The following SUMO3 variants were observed in gnomAD, a reference collection of about 807,000 sequenced individuals.
SUMO3 encodes small ubiquitin like modifier 3, also known as small ubiquitin-related modifier 3.
In SUMO3, 2 loss-of-function variants were observed where a neutral mutation model predicts 11.1. The ratio of observed to expected loss-of-function variants is 0.18; its 90% CI spans 0.07 to 0.57. The LOEUF (loss-of-function observed/expected upper bound fraction) is 0.57. SUMO3 is among the 20% of genes least tolerant of loss of function. The pLI, the probability that SUMO3 is intolerant of heterozygous loss-of-function variation, is 0.92. For missense variants in SUMO3, 70 were observed against 132.8 expected (o/e 0.53, Z 2.32); for synonymous variants, 56 against 53.5 (o/e 1.05, Z -0.20).
At position 44,814,138 on chromosome 21, in the gene SUMO3, G is replaced by C. The variant is rs760991904; in HGVS notation, c.22-34C>G. 3 of 1,595,948 alleles carry C rather than the reference G, an allele frequency of 1.9e-6. No individual in the cohort carries two copies. In the Admixed American group the frequency reaches 5.0e-5, roughly 27 times the overall value. On this transcript the variant is annotated intron_variant, in intron 1 of 3. Transcript: ENST00000332859. Reference sequence around the variant, plus strand: ...GACACCAGAGACTGGCCTCAAAACTGTGTCTCAAAATAACCGCGACTTGAA... The same window carrying C: ...GACACCAGAGACTGGCCTCAAAACTCTGTCTCAAAATAACCGCGACTTGAA...
At chr21:44,816,605 A>T (rs2083244851) in intron 1 of SUMO3, among the ~76,000 whole-genome samples, 1 of 152,212 alleles carries the variant, frequency 6.6e-6, no homozygotes, top group Non-Finnish European at 1.5e-5. Flanking sequence ...GATGTAACAT[A>T]GAGGCCGACA....
At position 44,810,798 on chromosome 21, in the gene SUMO3, C is replaced by T. The variant is rs958439113; in HGVS notation, c.151-1680G>A. Among the ~76,000 whole-genome samples the T allele has an allele frequency of 1.3e-5, 2 of 152,118 alleles. No homozygotes were observed. The highest frequency in any genetic ancestry group is 4.8e-5 in the African/African-American group (2 of 41,412). On this transcript the variant is annotated intron_variant, in intron 2 of 3. Coordinates refer to ENST00000332859, the MANE Select transcript of SUMO3 (RefSeq NM_006936.3). This position sits in a 1 kb window ranked among gnomAD's most constrained non-coding sequence, Gnocchi z 4.1. ...CCATGCTTGCACAGAAGTCAGCCTG[C>T]GTGAGAGCAGTCAGGGAAAGGCTCA...
intron 1 of SUMO3, among the ~76,000 whole-genome samples, chr21:44,815,790 G>A (rs1269488160): frequency 1.2e-5 from 1 of 82,674 alleles, no homozygotes; most frequent in Non-Finnish European, 2.4e-5. Context: ...CAGTGCCTCT[G>A]CTCCAAACAG....
rs1425119397 is a variant in SUMO3 at position 44,806,076 on chromosome 21, T to G, written c.*875A>C. Reference sequence around the variant, plus strand: ...TAACTGCAAATTCAGCAATACTTAGTCTTACTTTTTTATGTATAGACCATA... The same window carrying G: ...TAACTGCAAATTCAGCAATACTTAGGCTTACTTTTTTATGTATAGACCATA... On this transcript the variant is annotated 3_prime_UTR_variant, in exon 4 of 4. Transcript: ENST00000332859. 6.6e-6 allele frequency: 1 copy of G among 152,144 alleles called. No individual in the cohort carries two copies. Among genetic ancestry groups the G allele is most frequent in the Non-Finnish European group, 1.5e-5 (1 of 68,026 alleles). The allele number at this position is 152,144 out of a possible 1,614,324, so 9.4% of individuals were successfully genotyped here.
Position 44,811,159 on chromosome 21 carries a change from G to GAATGCACACAT in SUMO3, c.151-2042_151-2041insATGTGTGCATT, listed in dbSNP as rs2083210415. Reference sequence around the variant, plus strand: ...GCACACACCCACACATACACACACAGGCACACACCCACACATACACACACA... The same window carrying GAATGCACACAT: ...GCACACACCCACACATACACACACAGAATGCACACATGCACACACCCACACATACACACACA... On this transcript the variant is annotated intron_variant, in intron 2 of 3. Coordinates refer to ENST00000332859, the MANE Select transcript of SUMO3 (RefSeq NM_006936.3). The surrounding 1 kb of genome is among the most constrained non-coding windows in gnomAD (Gnocchi z 5.0). Among the ~76,000 whole-genome samples the GAATGCACACAT allele has an allele frequency of 7.1e-6, 1 of 140,584 alleles. No individual in the cohort carries two copies. Among genetic ancestry groups the GAATGCACACAT allele is most frequent in the Non-Finnish European group, 1.6e-5 (1 of 63,582 alleles). 92.2% of individuals were successfully genotyped at this position (140,584 alleles called of 152,430 possible).
intron 3 of SUMO3, chr21:44,808,240 C>G (rs757331290): frequency 3.9e-6 from 1 of 258,854 alleles, no homozygotes; most frequent in Non-Finnish European, 7.3e-6. Flanking sequence ...CGGCCGGGCG[C>G]GTTGGCTCAT....
At position 44,806,864 on chromosome 21, in the gene SUMO3, C is replaced by T. The variant is rs780800537; in HGVS notation, c.*87G>A. 19 of 1,561,160 alleles carry T rather than the reference C, an allele frequency of 1.2e-5. No individual in the cohort carries two copies. The Admixed American group carries it at 1.9e-4, about 15-fold the overall frequency. On this transcript the variant is annotated 3_prime_UTR_variant, in exon 4 of 4. Transcript: ENST00000332859. ...ATCGTGGTGAATGTCCTCGAGTTTC[C>T]GCAGACACCTTTGTGGTCGGCATGG...
rs560883571 is a variant in SUMO3, at chr21:44,810,244, A to G, written c.151-1126T>C. ...TGAAGTAAATGAAAAAGGCACAAAC[A>G]GGAAGGACAAAGAAAACGGGAGTGG... is the stretch of plus-strand genomic sequence containing the variant. On this transcript the variant is annotated intron_variant, in intron 2 of 3. Coordinates refer to ENST00000332859, the MANE Select transcript of SUMO3 (RefSeq NM_006936.3). The surrounding 1 kb of genome is among the most constrained non-coding windows in gnomAD (Gnocchi z 4.1). 1.3e-5 allele frequency among the ~76,000 whole-genome samples: 2 copies of G among 152,352 alleles called. No individual in the cohort carries two copies. The highest frequency in any genetic ancestry group is 4.8e-5 in the African/African-American group (2 of 41,584).
At chr21:44,815,847 G>C (rs904149884) in intron 1 of SUMO3, among the ~76,000 whole-genome samples, 1 of 152,112 alleles carries the variant, frequency 6.6e-6, no homozygotes, top group African/African-American at 2.4e-5. Flanking sequence ...ATAAGCAAGT[G>C]AACTCGTGAG....
rs747725284 is a variant in SUMO3 at position 44,813,965 on chromosome 21, A to C, written c.150+11T>G. 2 of 1,609,254 alleles carry C rather than the reference A, an allele frequency of 1.2e-6. No homozygotes were observed. The highest frequency in any genetic ancestry group is 1.7e-5 in the Admixed American group (1 of 60,020). On this transcript the variant is annotated intron_variant, in intron 2 of 3. Transcript: ENST00000332859. ...CACGGGGAGGCTCTGCGGGGGAGCA[A>C]GGTGCCGCACCTGCCTCTCGCAGTA...
intron 2 of SUMO3, among the ~76,000 whole-genome samples, chr21:44,812,957 C>T (rs1050366772): frequency 3.3e-5 from 5 of 152,226 alleles, no homozygotes; most frequent in African/African-American, 1.2e-4. Context: ...CTGGGAAGAC[C>T]GGGACCTGCG....
chr21:44,816,774 G>A (rs969705055), intron 1 of SUMO3, among the ~76,000 whole-genome samples: 10 of 151,966 alleles, frequency 6.6e-5, no homozygotes, highest in Non-Finnish European at 1.3e-4. Context: ...CAATGGGGGA[G>A]ACTAAAGCCC....
intron 1 of SUMO3, among the ~76,000 whole-genome samples, chr21:44,817,043 G>C (rs1238896553): frequency 1.4e-5 from 2 of 144,802 alleles, no homozygotes; most frequent in African/African-American, 5.2e-5. Flanking sequence ...GCACACACTG[G>C]GGGTGTGATG....
chr21:44,808,383 G>A, intron 3 of SUMO3: 3 of 642,532 alleles, frequency 4.7e-6, no homozygotes, highest in Non-Finnish European at 7.2e-6. Flanking sequence ...AGTGGTGGTG[G>A]GCACCTATAG....
At chr21:44,815,233 G>A (rs1006813068) in intron 1 of SUMO3, among the ~76,000 whole-genome samples, 5 of 152,188 alleles carry the variant, frequency 3.3e-5, no homozygotes, top group East Asian at 1.9e-4. Context: ...TAGAAGGCTC[G>A]CCTGAGGGTG....
chr21:44,808,553 A>G (rs1281131395), intron 3 of SUMO3: 9 of 1,400,690 alleles, frequency 6.4e-6, no homozygotes, highest in Admixed American at 3.3e-5. Context: ...AGCTCTTTCC[A>G]TGACAGTATG....
chr21:44,813,865 G>C, intron 2 of SUMO3, 111 bp downstream of exon 2: 1 of 1,582,566 alleles, frequency 6.3e-7, no homozygotes, highest in South Asian at 1.1e-5. Context: ...AGGGCACCTC[G>C]GGCAGCTGCA....
rs146445149 is a variant in SUMO3, at chr21:44,814,060, G to A, written c.66C>T (p.Ala22=). Residue 22 remains alanine, a synonymous_variant, in exon 2 of 4, where the codon GCC becomes GCT. Transcript: ENST00000332859. ...TENDHINLKV[A]GQDGSVVQFK... is the part of the protein sequence containing the mutation. ...ACTGCACCACGGAGCCGTCCTGCCC[G>A]GCCACCTTCAGGTTGATGTGGTCAT... 2.4e-4 allele frequency: 393 copies of A among 1,613,822 alleles called. 3 individuals are homozygous for A. The highest frequency in any genetic ancestry group is 1.8e-3 in the Middle Eastern group (11 of 6,060).
At chr21:44,809,949 C>G (rs989874904) in intron 2 of SUMO3, among the ~76,000 whole-genome samples, 2 of 152,280 alleles carry the variant, frequency 1.3e-5, no homozygotes, top group South Asian at 2.1e-4. Context: ...CTACTTCCCC[C>G]CTTTACAAAG....
Sources: allele counts gnomAD v4.1 joint callset (sites outside exome capture counted in the v4.1 genomes callset), GRCh38; gene constraint gnomAD v4.1.1; non-coding constraint Gnocchi (gnomAD v3.1); transcripts MANE v1.5; gene names NCBI Gene and HGNC (gene_info 2026-07-23, HGNC 2026-07-21).